Variants in ARSJ observed in about 807,000 individuals in gnomAD.
ARSJ encodes the protein arylsulfatase J.
A neutral mutation model predicts 35.9 loss-of-function variants in ARSJ; 26 were observed. The observed-to-expected ratio is 0.72, with a 90% CI of 0.53 to 1.00. The LOEUF (loss-of-function observed/expected upper bound fraction) is 1.00. ARSJ is among the 50% of genes least tolerant of loss of function. The probability of loss-of-function intolerance (pLI) is 0.00; values close to 1 mark genes in which losing one functional copy is unlikely to be tolerated. For synonymous variants in ARSJ, 294 were observed against 267.6 expected (o/e 1.10, Z -0.96); for missense variants, 667 against 723.6 (o/e 0.92, Z 0.90).
At chr4:113,953,881 C>T (rs1395113081) in intron 1 of ARSJ, among the ~76,000 whole-genome samples, 1 of 151,918 alleles carries the variant, frequency 6.6e-6, no homozygotes, top group Non-Finnish European at 1.5e-5. Flanking sequence ...GCGATAAGGT[C>T]CCTGATTTCA....
At chr4:113,947,970 C>T (rs1725605111) in intron 1 of ARSJ, among the ~76,000 whole-genome samples, 1 of 151,972 alleles carries the variant, frequency 6.6e-6, no homozygotes, top group African/African-American at 2.4e-5. Context: ...GGGTGGATCA[C>T]TTGAGGCCAG....
intron 1 of ARSJ, among the ~76,000 whole-genome samples, chr4:113,916,370 C>T (rs535376610): frequency 2.6e-5 from 4 of 151,990 alleles, no homozygotes; most frequent in Admixed American, 6.6e-5. Flanking sequence ...TTTATAAAGG[C>T]GATATTAATG....
At chr4:113,955,617 A>G (rs1726130367) in intron 1 of ARSJ, among the ~76,000 whole-genome samples, 1 of 152,066 alleles carries the variant, frequency 6.6e-6, no homozygotes, top group Non-Finnish European at 1.5e-5. Flanking sequence ...ATAATTACTA[A>G]CATCTGTAGA....
At chr4:113,971,662 A>C (rs575257200) in intron 1 of ARSJ, among the ~76,000 whole-genome samples, 1 of 152,248 alleles carries the variant, frequency 6.6e-6, no homozygotes, top group Non-Finnish European at 1.5e-5. Flanking sequence ...GGCTTGAAGA[A>C]AACTCTTGTT....
At chr4:113,913,679 A>C (rs1295638973) in intron 1 of ARSJ, among the ~76,000 whole-genome samples, 1 of 152,202 alleles carries the variant, frequency 6.6e-6, no homozygotes, top group Non-Finnish European at 1.5e-5. Flanking sequence ...AAGTGTACCC[A>C]CACTGCCAAA....
chr4:113,925,136 A>G (rs904719298), intron 1 of ARSJ, among the ~76,000 whole-genome samples: 3 of 152,096 alleles, frequency 2.0e-5, no homozygotes, highest in Non-Finnish European at 4.4e-5. Context: ...TTCCGGGTCA[A>G]TCACCCCAGC....
intron 1 of ARSJ, among the ~76,000 whole-genome samples, chr4:113,909,036 C>G (rs953148913): frequency 6.6e-6 from 1 of 151,676 alleles, no homozygotes; most frequent in African/African-American, 2.4e-5. Context: ...GTGGCTTGGA[C>G]TACCATCTAG....
chr4:113,973,621 A>AT (rs1727415543), intron 1 of ARSJ, among the ~76,000 whole-genome samples: 1 of 152,118 alleles, frequency 6.6e-6, no homozygotes, highest in African/African-American at 2.4e-5. Flanking sequence ...GCATTTCTTT[A>AT]CCCAATTCAC....
rs187818680 is a variant in ARSJ, at chr4:113,911,565, A to G, written c.399-7890T>C. On this transcript the variant is annotated intron_variant, in intron 1 of 1. Coordinates refer to ENST00000315366, the MANE Select transcript of ARSJ (RefSeq NM_024590.4). ...GATATTATAAAGAGAGACATTTGAT[A>G]GGGTTACAGACTATATGTGGGAAGT... 4.8e-3 allele frequency among the ~76,000 whole-genome samples: 726 copies of G among 152,224 alleles called. 7 individuals are homozygous for G. The highest frequency in any genetic ancestry group is 0.015 in the African/African-American group (637 of 41,542).
At chr4:113,974,316 TA>T (rs200546630) in intron 1 of ARSJ, among the ~76,000 whole-genome samples, 13 of 150,842 alleles carry the variant, frequency 8.6e-5, no homozygotes, top group Non-Finnish European at 1.6e-4. Flanking sequence ...GAAAAATCGC[TA>T]AAAAAAACCA....
intron 1 of ARSJ, among the ~76,000 whole-genome samples, chr4:113,935,914 A>T (rs910665572): frequency 6.6e-6 from 1 of 151,984 alleles, no homozygotes; most frequent in Non-Finnish European, 1.5e-5. Flanking sequence ...TTGAATGTGT[A>T]ATTTCTGGTG....
chr4:113,900,617 C>T lies in ARSJ; in HGVS notation c.*1657G>A, dbSNP rs774780649. The T allele has an allele frequency of 1.7e-4, 26 of 152,074 alleles. No homozygotes were observed. The highest frequency in any genetic ancestry group is 3.4e-4 in the Non-Finnish European group (23 of 68,018). The allele number at this position is 152,074 out of a possible 1,614,324, so 9.4% of individuals were successfully genotyped here. A position where few individuals can be genotyped will look rare whatever the true frequency, so the allele number is the denominator to read the frequency against. On this transcript the variant is annotated 3_prime_UTR_variant, in exon 2 of 2. Coordinates refer to ENST00000315366, the MANE Select transcript of ARSJ (RefSeq NM_024590.4). ...AATGGTATGCTGTCATACCACCACA[C>T]ACATTTTCAGATCACAGTTATAACT...
At position 113,902,673 on chromosome 4, in the gene ARSJ, G is replaced by A. The variant is rs756890220; in HGVS notation, c.1401C>T (p.Val467=). 2.1e-5 allele frequency: 34 copies of A among 1,614,172 alleles called. No individual in the cohort carries two copies. The Middle Eastern group carries it at 4.9e-4, about 23-fold the overall frequency. Residue 467 remains valine (V), a synonymous_variant, in exon 2 of 2, where the codon GTC becomes GTT. Coordinates refer to ENST00000315366, the MANE Select transcript of ARSJ (RefSeq NM_024590.4). The part of the protein sequence containing the change: ...LTGNPGYSDW[V]PPQSFSNLGP... ...CCAGGTTGCTGAAAGACTGAGGGGGGACCCAGTCGCTGTAGCCAGGATTTC... is the reference window on the plus strand; with the variant it reads ...CCAGGTTGCTGAAAGACTGAGGGGGAACCCAGTCGCTGTAGCCAGGATTTC...
chr4:113,952,628 C>G (rs1467081460), intron 1 of ARSJ, among the ~76,000 whole-genome samples: 1 of 152,056 alleles, frequency 6.6e-6, no homozygotes, highest in Non-Finnish European at 1.5e-5. Flanking sequence ...TGAAAGCAGT[C>G]ACTAGAGGGA....
intron 1 of ARSJ, among the ~76,000 whole-genome samples, chr4:113,957,160 G>T (rs931306826): frequency 8.6e-5 from 13 of 152,036 alleles, no homozygotes; most frequent in African/African-American, 2.9e-4. Flanking sequence ...GGGGAGGAAG[G>T]CCTTGAGGAA....
At chr4:113,936,185 C>T (rs1724755490) in intron 1 of ARSJ, among the ~76,000 whole-genome samples, 2 of 151,840 alleles carry the variant, frequency 1.3e-5, no homozygotes, top group South Asian at 4.2e-4. Context: ...TCAAATGGTG[C>T]AGTATGAGTA....
At chr4:113,978,372 G>C in intron 1 of ARSJ, 65 bp downstream of exon 1, 5 of 1,435,084 alleles carry the variant, frequency 3.5e-6, no homozygotes, top group Non-Finnish European at 4.7e-6. Context: ...TAAATTTGGA[G>C]CTGGATCTTC....
At chr4:113,968,923 T>G (rs948296442) in intron 1 of ARSJ, among the ~76,000 whole-genome samples, 24 of 152,220 alleles carry the variant, frequency 1.6e-4, no homozygotes, top group African/African-American at 5.3e-4. Flanking sequence ...TCTCAATACC[T>G]ATGAACCCTA....
intron 1 of ARSJ, among the ~76,000 whole-genome samples, chr4:113,950,290 C>T (rs528616459): frequency 6.6e-6 from 1 of 152,186 alleles, no homozygotes; most frequent in African/African-American, 2.4e-5. Flanking sequence ...TATTCTAACC[C>T]TCCCCCTTCC....
Sources: allele counts gnomAD v4.1 joint callset (sites outside exome capture counted in the v4.1 genomes callset), GRCh38; gene constraint gnomAD v4.1.1; transcripts MANE v1.5; gene names NCBI Gene and HGNC (gene_info 2026-07-23, HGNC 2026-07-21).